The following UST variants were observed in gnomAD, a reference collection of about 807,000 sequenced individuals.
UST encodes chondroitin sulfate 2-O-sulfotransferase.
UST carries 21 observed loss-of-function variants against 45.6 expected under a neutral mutation model. The observed-to-expected ratio is 0.46, with a 90% confidence interval of 0.33 to 0.66. The LOEUF (loss-of-function observed/expected upper bound fraction) is 0.66, where lower values mean the gene tolerates loss of function less well. UST is among the 30% of genes least tolerant of loss of function. The probability of loss-of-function intolerance (pLI) is 0.02; values close to 1 mark genes in which losing one functional copy is unlikely to be tolerated. For synonymous variants in UST, 215 were observed against 200.6 expected (o/e 1.07, Z -0.61); for missense variants, 463 against 512.4 (o/e 0.90, Z 0.93).
intron 7 of UST, among the ~76,000 whole-genome samples, chr6:149,058,342 A>AGC (rs1776598122): frequency 8.7e-6 from 1 of 115,342 alleles, no homozygotes. Flanking sequence ...CCAAAGGAGG[A>AGC]GCATGTGTGT....
At chr6:148,868,733 T>A (rs1299120835) in intron 1 of UST, among the ~76,000 whole-genome samples, 1 of 152,074 alleles carries the variant, frequency 6.6e-6, no homozygotes, top group Non-Finnish European at 1.5e-5. Flanking sequence ...AACCCCCCCA[T>A]CATAAATCCT....
In UST at chr6:148,894,814, C is replaced by CTTTTT. The variant is rs760698349; in HGVS notation, c.291+7803_291+7807dup. Among the ~76,000 whole-genome samples the CTTTTT allele has an allele frequency of 7.6e-3, 715 of 93,608 alleles. 27 individuals carry two copies. The highest frequency in any genetic ancestry group is 0.016 in the African/African-American group (345 of 22,118). 61.4% of individuals were successfully genotyped at this position (93,608 alleles called of 152,430 possible). On this transcript the variant is annotated intron_variant, in intron 2 of 7. Coordinates refer to ENST00000367463, the MANE Select transcript of UST (RefSeq NM_005715.3). The stretch of plus-strand genomic sequence containing the variant: ...GAAGCTTATCAGGATAATTTCAGTG[C>CTTTTT]TTTTTTTTTTTTTTTTTTTTTTGAG...
intron 1 of UST, among the ~76,000 whole-genome samples, chr6:148,807,956 A>G (rs1777181618): frequency 6.6e-6 from 1 of 152,220 alleles, no homozygotes; most frequent in African/African-American, 2.4e-5. Flanking sequence ...CCTTGTTCAT[A>G]GAACTGAACT....
chr6:148,917,584 T>G (rs1779613833), intron 2 of UST, among the ~76,000 whole-genome samples: 1 of 152,228 alleles, frequency 6.6e-6, no homozygotes. Context: ...TTTTAACCTG[T>G]GTCCCCAGTG....
intron 7 of UST, among the ~76,000 whole-genome samples, chr6:149,051,712 C>T (rs1238168981): frequency 6.6e-6 from 1 of 152,170 alleles, no homozygotes; most frequent in Non-Finnish European, 1.5e-5. Context: ...TTTCTCTTTG[C>T]CCTAAACCAT....
intron 1 of UST, among the ~76,000 whole-genome samples, chr6:148,780,269 T>C (rs1776619132): frequency 6.6e-6 from 1 of 152,138 alleles, no homozygotes; most frequent in African/African-American, 2.4e-5. Flanking sequence ...CAGCACCACT[T>C]CTCATTTTTC....
chr6:149,060,622 G>T (rs1776639966), intron 7 of UST, among the ~76,000 whole-genome samples: 1 of 152,208 alleles, frequency 6.6e-6, no homozygotes, highest in Admixed American at 6.5e-5. Flanking sequence ...GAGGTGGCAG[G>T]CGTTTGCCAA....
intron 4 of UST, among the ~76,000 whole-genome samples, chr6:148,958,780 T>A (rs2114949596): frequency 6.6e-6 from 1 of 152,318 alleles, no homozygotes; most frequent in South Asian, 2.1e-4. Context: ...TAAATATTTT[T>A]GCAATCTACA....
chr6:148,957,756 A>G (rs562164844), intron 4 of UST, among the ~76,000 whole-genome samples: 13 of 152,338 alleles, frequency 8.5e-5, no homozygotes, highest in African/African-American at 3.1e-4. Flanking sequence ...ATACTTTAAA[A>G]AATAACTTTT....
At chr6:148,766,573 G>A (rs571453680) in intron 1 of UST, among the ~76,000 whole-genome samples, 21 of 152,168 alleles carry the variant, frequency 1.4e-4, no homozygotes, top group Admixed American at 7.9e-4. Flanking sequence ...TTAAGATCCC[G>A]TATGAGGTGT....
At chr6:148,809,073 C>T (rs540205072) in intron 1 of UST, among the ~76,000 whole-genome samples, 9 of 152,360 alleles carry the variant, frequency 5.9e-5, no homozygotes, top group South Asian at 2.1e-4. Flanking sequence ...ACCTTGTACT[C>T]GAGCGAGGCC....
At chr6:148,937,833 C>CT (rs1208803465) in intron 2 of UST, among the ~76,000 whole-genome samples, 34 of 152,316 alleles carry the variant, frequency 2.2e-4, no homozygotes, top group African/African-American at 7.9e-4. Flanking sequence ...GAATTAAACT[C>CT]TGAGTTTATG....
intron 1 of UST, among the ~76,000 whole-genome samples, chr6:148,778,838 G>A (rs774286719): frequency 1.3e-5 from 2 of 152,168 alleles, no homozygotes; most frequent in African/African-American, 2.4e-5. Flanking sequence ...TTGAGCCAGA[G>A]CTCTGGTCAT....
chr6:148,817,978 C>T (rs1007918611), intron 1 of UST, among the ~76,000 whole-genome samples: 9 of 152,268 alleles, frequency 5.9e-5, no homozygotes, highest in Middle Eastern at 3.4e-3. Flanking sequence ...CAAAAGAGAC[C>T]GCAAAACCTA....
chr6:148,787,822 A>G (rs1345683398), intron 1 of UST, among the ~76,000 whole-genome samples: 2 of 152,174 alleles, frequency 1.3e-5, no homozygotes, highest in African/African-American at 4.8e-5. Context: ...CTATCCATGA[A>G]CAACCCAAAT....
At chr6:148,952,216 C>G (rs1342615510) in intron 3 of UST, among the ~76,000 whole-genome samples, 1 of 152,170 alleles carries the variant, frequency 6.6e-6, no homozygotes, top group African/African-American at 2.4e-5. Context: ...ACCAGTAATT[C>G]CATTAGTAAA....
intron 7 of UST, among the ~76,000 whole-genome samples, chr6:149,032,858 G>C (rs1471453313): frequency 6.6e-6 from 1 of 152,192 alleles, no homozygotes; most frequent in Non-Finnish European, 1.5e-5. Context: ...GTGTGCGGGG[G>C]AGGTACCAGT....
At chr6:149,068,612 T>C (rs1245091807) in intron 7 of UST, among the ~76,000 whole-genome samples, 2 of 152,234 alleles carry the variant, frequency 1.3e-5, no homozygotes, top group Non-Finnish European at 2.9e-5. Flanking sequence ...TCACATTTTA[T>C]TGATGTATAA....
intron 7 of UST, among the ~76,000 whole-genome samples, chr6:149,029,348 T>C (rs9498194): frequency 0.089 from 13,051 of 146,998 alleles, 1,512 homozygotes; most frequent in African/African-American, 0.27. Context: ...ACGTTATATA[T>C]TATATATAAA....
Sources: allele counts gnomAD v4.1 joint callset (sites outside exome capture counted in the v4.1 genomes callset), GRCh38; gene constraint gnomAD v4.1.1; transcripts MANE v1.5; gene names NCBI Gene and HGNC (gene_info 2026-07-23, HGNC 2026-07-21).